KIAA1549L: variants seen among roughly 807,000 people sequenced by gnomAD.
KIAA1549L encodes KIAA1549 like, also known as UPF0606 protein KIAA1549L.
A neutral mutation model predicts 160.7 loss-of-function variants in KIAA1549L; 88 were observed. The observed-to-expected ratio is 0.55, with a 90% CI of 0.46 to 0.65. The LOEUF is 0.65. Ranked by LOEUF, KIAA1549L falls within the 30% of genes least tolerant of loss-of-function variation. The pLI is 0.00. For synonymous variants in KIAA1549L, 950 were observed against 976.7 expected, an observed-to-expected ratio of 0.97 and a Z score of 0.51; for missense variants, 2,258 against 2,437.5, an observed-to-expected ratio of 0.93 and a Z score of 1.55.
At chr11:33,645,550 A>G (rs1173440074) in intron 16 of KIAA1549L, 136 bp from the exon 17 acceptor site, 1 of 670,264 alleles carries the variant, frequency 1.5e-6, no homozygotes, top group Admixed American at 2.8e-5. Context: ...ATTCCTAGAT[A>G]GGGCACGTAG....
intron 1 of KIAA1549L, among the ~76,000 whole-genome samples, chr11:33,486,301 T>C (rs549013606): frequency 9.2e-5 from 14 of 152,262 alleles, no homozygotes; most frequent in African/African-American, 3.1e-4. Flanking sequence ...CCTCAAAAAA[T>C]TAAAAATAAA....
intron 13 of KIAA1549L, among the ~76,000 whole-genome samples, chr11:33,602,748 A>T (rs1194654422): frequency 2.0e-5 from 3 of 152,152 alleles, no homozygotes; most frequent in Non-Finnish European, 4.4e-5. Flanking sequence ...ATCCCCATGA[A>T]CCTGCTGTGT....
At chr11:33,529,242 G>A (rs192906680) in intron 1 of KIAA1549L, among the ~76,000 whole-genome samples, 139 of 152,064 alleles carry the variant, frequency 9.1e-4, no homozygotes, top group African/African-American at 3.3e-3. Context: ...GGCTGAGGTG[G>A]AAGCATCATC....
chr11:33,461,118 G>A (rs896019993), intron 1 of KIAA1549L, among the ~76,000 whole-genome samples: 2 of 151,876 alleles, frequency 1.3e-5, no homozygotes, highest in African/African-American at 4.8e-5. Flanking sequence ...AAGAATAACC[G>A]GTTCTACTTT....
At chr11:33,552,069 G>T (rs756585958) in intron 5 of KIAA1549L, 39 bp from the exon 6 acceptor site, 2 of 1,606,742 alleles carry the variant, frequency 1.2e-6, no homozygotes, top group Non-Finnish European at 1.7e-6. Context: ...ACTGAGACAT[G>T]GAGCTTTAGT....
rs372558659 is a variant in KIAA1549L, at chr11:33,469,481, T to C, written c.239-72321T>C. On this transcript the variant is annotated intron_variant, in intron 1 of 20. Transcript: ENST00000658780. The stretch of plus-strand genomic sequence containing the variant: ...CTTTTGTGAATAATGCTGTGATGAA[T>C]GTTCATGTACAAATTCTTGTGTGGA... Among the ~76,000 whole-genome samples the C allele has an allele frequency of 1.4e-4, 21 of 152,352 alleles. 1 individual carries two copies. The East Asian group carries it at 2.3e-3, about 17-fold the overall frequency.
intron 1 of KIAA1549L, among the ~76,000 whole-genome samples, chr11:33,432,295 A>G (rs774951248): frequency 2.0e-5 from 3 of 152,214 alleles, no homozygotes; most frequent in Non-Finnish European, 4.4e-5. Flanking sequence ...CTGCCAGCAC[A>G]CTGTCACCTC....
chr11:33,468,691 A>T (rs1238199959), intron 1 of KIAA1549L, among the ~76,000 whole-genome samples: 2 of 152,198 alleles, frequency 1.3e-5, no homozygotes, highest in East Asian at 1.9e-4. Flanking sequence ...GTGAATGTTG[A>T]TTAGCATTCT....
intron 1 of KIAA1549L, among the ~76,000 whole-genome samples, chr11:33,541,468 G>C (rs1854019281): frequency 6.6e-6 from 1 of 152,096 alleles, no homozygotes; most frequent in Non-Finnish European, 1.5e-5. Context: ...TGGTGTCATT[G>C]GCCATGGCAG....
intron 1 of KIAA1549L, among the ~76,000 whole-genome samples, chr11:33,401,271 AATATATAAAATATATTT>A (rs1419684467): frequency 6.8e-5 from 10 of 147,972 alleles, no homozygotes; most frequent in South Asian, 2.1e-4. Flanking sequence ...ATATTTATAC[AATATATAAAATATATTT>A]ATATATAAAA....
At chr11:33,549,784 A>G (rs1854393756) in intron 4 of KIAA1549L, among the ~76,000 whole-genome samples, 1 of 152,152 alleles carries the variant, frequency 6.6e-6, no homozygotes, top group African/African-American at 2.4e-5. Context: ...TGGGAGGGTC[A>G]CTTGAGGCCA....
intron 17 of KIAA1549L, among the ~76,000 whole-genome samples, chr11:33,650,094 G>T (rs889393837): frequency 9.2e-5 from 14 of 152,102 alleles, no homozygotes; most frequent in Admixed American, 9.2e-4. Flanking sequence ...ACTGTTGACA[G>T]AGCATGGTCC....
intron 1 of KIAA1549L, among the ~76,000 whole-genome samples, chr11:33,455,427 G>GAT (rs1590257566): frequency 6.6e-6 from 1 of 152,300 alleles, no homozygotes; most frequent in East Asian, 1.9e-4. Context: ...TAAAGCTTTA[G>GAT]AAAGTCAGGG....
At chr11:33,607,693 T>A (rs186191131) in intron 14 of KIAA1549L, among the ~76,000 whole-genome samples, 90 of 152,310 alleles carry the variant, frequency 5.9e-4, no homozygotes, top group Non-Finnish European at 1.1e-3. Flanking sequence ...TTTCCAAAGT[T>A]TTAGTCTTTT....
At chr11:33,413,542 C>T (rs753351349) in intron 1 of KIAA1549L, among the ~76,000 whole-genome samples, 1 of 151,914 alleles carries the variant, frequency 6.6e-6, no homozygotes. Flanking sequence ...GATGTGTCCC[C>T]CTTAACAATC....
chr11:33,476,187 G>T (rs982060186), intron 1 of KIAA1549L, among the ~76,000 whole-genome samples: 1 of 152,236 alleles, frequency 6.6e-6, no homozygotes, highest in East Asian at 1.9e-4. Context: ...CTGCAGTTTT[G>T]TTGAAAGACA....
intron 1 of KIAA1549L, among the ~76,000 whole-genome samples, chr11:33,513,024 C>G (rs1853262011): frequency 6.6e-6 from 1 of 152,086 alleles, no homozygotes; most frequent in Non-Finnish European, 1.5e-5. Flanking sequence ...TGGGTCCTCT[C>G]CCTTGATGAT....
intron 1 of KIAA1549L, among the ~76,000 whole-genome samples, chr11:33,531,107 T>A (rs1373071957): frequency 2.0e-5 from 3 of 152,190 alleles, no homozygotes; most frequent in Non-Finnish European, 4.4e-5. Flanking sequence ...CCATCTTTTC[T>A]AAATTTTCTG....
chr11:33,451,479 T>C (rs749289329), intron 1 of KIAA1549L, among the ~76,000 whole-genome samples: 1 of 152,248 alleles, frequency 6.6e-6, no homozygotes, highest in South Asian at 2.1e-4. Flanking sequence ...CTCTAACATA[T>C]GGGCATTTCT....
Sources: allele counts gnomAD v4.1 joint callset (sites outside exome capture counted in the v4.1 genomes callset), GRCh38; gene constraint gnomAD v4.1.1; transcripts MANE v1.5; gene names NCBI Gene and HGNC (gene_info 2026-07-23, HGNC 2026-07-21).